Variants in ENG observed in about 807,000 individuals in gnomAD.
The protein encoded by ENG is CD105 antigen.
In ENG, 17 loss-of-function variants were observed where a neutral mutation model predicts 71.0. The ratio of observed to expected loss-of-function variants is 0.24; its 90% CI spans 0.16 to 0.36. The LOEUF is 0.36. ENG is among the 10% of genes least tolerant of loss of function. ENG has a pLI of 1.00. For synonymous variants in ENG, 360 were observed against 366.9 expected, an observed-to-expected ratio of 0.98 and a Z score of 0.21; for missense variants, 749 against 868.3, an observed-to-expected ratio of 0.86 and a Z score of 1.73.
chr9:127,834,749 C>G (rs1369365318), intron 2 of ENG, among the ~76,000 whole-genome samples: 1 of 150,472 alleles, frequency 6.6e-6, no homozygotes, highest in East Asian at 1.9e-4. Flanking sequence ...TTTTTGGCCA[C>G]AATGGTCTTA....
chr9:127,835,862 C>T (rs1830889522), intron 2 of ENG, among the ~76,000 whole-genome samples: 1 of 152,276 alleles, frequency 6.6e-6, no homozygotes, highest in South Asian at 2.1e-4. Context: ...TTTCTTGGGA[C>T]ACTCAGCTCT....
rs1085307431 is a variant in ENG, at chr9:127,825,259, A to G, written c.788T>C (p.Ile263Thr). The G allele has an allele frequency of 6.2e-7, 1 of 1,612,138 alleles. No individual in the cohort carries two copies. Among genetic ancestry groups the G allele is most frequent in the Non-Finnish European group, 8.5e-7 (1 of 1,179,646 alleles). ...GATCTGCATGTTGTGGTTGGCGTCG[A>G]TGAGCCAGGACACGTAGGGGGGACC... ...LQGPPYVSWL[I>T]DANHNMQIWT... is the part of the protein sequence containing the mutation. Residue 263 changes from isoleucine to threonine, a missense_variant, in exon 6 of 15, where the codon ATC becomes ACC. Coordinates refer to ENST00000373203, the MANE Select transcript of ENG (RefSeq NM_001114753.3).
chr9:127,843,568 C>T (rs530595230), intron 1 of ENG, among the ~76,000 whole-genome samples: 22 of 150,692 alleles, frequency 1.5e-4, no homozygotes, highest in African/African-American at 2.9e-4. Flanking sequence ...TTGCATGGAA[C>T]GTACTTATAC....
intron 2 of ENG, among the ~76,000 whole-genome samples, chr9:127,830,042 A>G (rs1830726394): frequency 6.6e-6 from 1 of 152,024 alleles, no homozygotes; most frequent in Non-Finnish European, 1.5e-5. Context: ...GGCAAATCTG[A>G]AGAGAGAAAA....
At position 127,838,800 on chromosome 9, in the gene ENG, G is replaced by A. The variant is rs144345802; in HGVS notation, c.219+4294C>T. 1.1e-3 allele frequency among the ~76,000 whole-genome samples: 170 copies of A among 152,236 alleles called. 1 individual carries two copies. The highest frequency in any genetic ancestry group is 3.4e-3 in the Middle Eastern group (1 of 294). ...CCGGCCTGCCCTTCAGGGACCCAGC[G>A]AGATCCAGCCCCTGCCCAGCGGGGC... On this transcript the variant is annotated intron_variant, in intron 2 of 14. Coordinates refer to ENST00000373203, the MANE Select transcript of ENG (RefSeq NM_001114753.3). The surrounding 1 kb of genome is among the most constrained non-coding windows in gnomAD (Gnocchi z 4.3).
chr9:127,847,079 C>T (rs1296993398), intron 1 of ENG: 1 of 331,722 alleles, frequency 3.0e-6, no homozygotes, highest in Non-Finnish European at 4.3e-6. Context: ...TGCAGACCAC[C>T]AATAATCACT....
chr9:127,816,323 A>G, intron 13 of ENG: 4 of 545,132 alleles, frequency 7.3e-6, no homozygotes, highest in Admixed American at 3.1e-5. Flanking sequence ...TGGCGTTTTC[A>G]GGGAGGATGG....
At chr9:127,842,106 G>A (rs1006424530) in intron 2 of ENG, among the ~76,000 whole-genome samples, 1 of 151,880 alleles carries the variant, frequency 6.6e-6, no homozygotes, top group East Asian at 1.9e-4. Context: ...GTCTCCTGGG[G>A]AGAATCGTCT....
At position 127,842,015 on chromosome 9, in the gene ENG, T is replaced by C. The variant is rs1831045153; in HGVS notation, c.219+1079A>G. ...ATAGAGTCGGCCCTAGCACAGTCTC[T>C]AGCACATAGCGCTTAACAAAGGTGT... On this transcript the variant is annotated intron_variant, in intron 2 of 14. Transcript: ENST00000373203. Among the ~76,000 whole-genome samples the C allele has an allele frequency of 1.3e-5, 2 of 152,204 alleles. 1 individual carries two copies. Among genetic ancestry groups the C allele is most frequent in the South Asian group, 4.1e-4 (2 of 4,830 alleles).
chr9:127,817,075 C>T, intron 13 of ENG, 74 bp downstream of exon 13: 1 of 1,572,836 alleles, frequency 6.4e-7, no homozygotes, highest in South Asian at 1.1e-5. Context: ...CAGGCCGTTT[C>T]TCAGGGCTGC....
chr9:127,843,378 T>C, intron 1 of ENG, 133 bp from the exon 2 acceptor site: 2 of 1,183,698 alleles, frequency 1.7e-6, no homozygotes, highest in South Asian at 1.3e-5. Flanking sequence ...CCTTATGAGG[T>C]GGATATCATT....
intron 2 of ENG, among the ~76,000 whole-genome samples, chr9:127,834,065 GT>G (rs905573618): frequency 5.9e-5 from 9 of 151,908 alleles, no homozygotes; most frequent in African/African-American, 2.2e-4. Context: ...GTGCCATTTA[GT>G]TTTTTTCTAT....
Position 127,829,699 on chromosome 9 carries a change from C to T in ENG, c.348G>A (p.Leu116=), listed in dbSNP as rs1205469132. Residue 116 remains leucine, a synonymous_variant, in exon 3 of 15, where the codon CTG becomes CTA. Transcript: ENST00000373203. ...GGAACACACTCACGTAGGCCAAGTGCAGTGGGATTCCCAGGGCCTGGAGAT... is the reference window on the plus strand; with the variant it reads ...GGAACACACTCACGTAGGCCAAGTGTAGTGGGATTCCCAGGGCCTGGAGAT... ...FLHLQALGIP[L]HLAYNSSLVT... 1 of 1,614,112 alleles carries T rather than the reference C, an allele frequency of 6.2e-7. No homozygotes were observed. The highest frequency in any genetic ancestry group is 2.2e-5 in the East Asian group (1 of 44,888).
intron 1 of ENG, 101 bp downstream of exon 1, chr9:127,854,188 T>G: frequency 1.6e-6 from 2 of 1,271,276 alleles, no homozygotes; most frequent in Non-Finnish European, 2.2e-6. Context: ...ATGGCTCTGC[T>G]GGGCGTGAGC....
chr9:127,816,920 C>G (rs1035820243), intron 13 of ENG: 5 of 604,416 alleles, frequency 8.3e-6, no homozygotes, highest in Non-Finnish European at 1.5e-5. Context: ...GACTCCCACC[C>G]CACAGGGCGG....
Position 127,843,215 on chromosome 9 carries a change from T to C in ENG, c.98A>G (p.Gln33Arg). The change falls in exon 2 of 15, where the codon CAG becomes CGG. Residue 33 changes from glutamine to arginine, a missense_variant. Physicochemically the swap from Gln to Arg is conservative, Grantham distance 43. Transcript: ENST00000373203. ...SLAETVHCDL[Q>R]PVGPERGEVT... ...CTCGCCCCTCTCGGGGCCCACAGGC[T>C]GAAGGTCACAATGGACTGTTTCTGC... The C allele has an allele frequency of 6.2e-7, 1 of 1,614,212 alleles. No homozygotes were observed. The highest frequency in any genetic ancestry group is 8.5e-7 in the Non-Finnish European group (1 of 1,180,042).
chr9:127,842,622 AC>A (rs1452417424), intron 2 of ENG, among the ~76,000 whole-genome samples: 3 of 151,998 alleles, frequency 2.0e-5, no homozygotes, highest in Admixed American at 2.0e-4. Context: ...ATGGGGTTTC[AC>A]CATGTTGGCC....
chr9:127,816,038 C>G lies in ENG; in HGVS notation c.1757G>C (p.Gly586Ala). The change falls in exon 14 of 15, where the codon GGC (glycine) becomes GCC (alanine). Residue 586 changes from glycine (G) to alanine (A), a missense_variant. Coordinates refer to ENST00000373203, the MANE Select transcript of ENG (RefSeq NM_001114753.3). ...GCCCAGCACGGCGGGCAGGACGAGGCCTTTGCTTGTGCAACCTAGAGAGGG... is the reference window on the plus strand; with the variant it reads ...GCCCAGCACGGCGGGCAGGACGAGGGCTTTGCTTGTGCAACCTAGAGAGGG... ...SPDLSGCTSK[G>A]LVLPAVLGIT... is the part of the protein sequence containing the mutation. 6.2e-7 allele frequency: 1 copy of G among 1,610,222 alleles called. No homozygotes were observed. The highest frequency in any genetic ancestry group is 8.5e-7 in the Non-Finnish European group (1 of 1,179,108).
rs1047882084 is a variant in ENG, at chr9:127,836,881, G to A, written c.219+6213C>T. Among the ~76,000 whole-genome samples the A allele has an allele frequency of 1.3e-5, 2 of 152,170 alleles. No individual in the cohort carries two copies. Among genetic ancestry groups the A allele is most frequent in the Admixed American group, 1.3e-4 (2 of 15,274 alleles). On this transcript the variant is annotated intron_variant, in intron 2 of 14. Coordinates refer to ENST00000373203, the MANE Select transcript of ENG (RefSeq NM_001114753.3). This position sits in a 1 kb window ranked among gnomAD's most constrained non-coding sequence, Gnocchi z 4.0. ...CGGCTCACTGCAATCTCCGCCTCCT[G>A]GGTTCAAGTAATTCTGCTGGTTCAG...
Sources: gnomAD v4.1 joint callset for allele counts (sites outside exome capture counted in the v4.1 genomes callset) on GRCh38, gnomAD v4.1.1 for gene constraint, Gnocchi (gnomAD v3.1) non-coding constraint, MANE v1.5 for transcripts, NCBI Gene and HGNC (gene_info 2026-07-23, HGNC 2026-07-21) for gene names.